BICC1: variants seen among roughly 807,000 people sequenced by gnomAD.
BICC1 encodes BicC family RNA binding protein 1.
Under a neutral mutation model 111.0 loss-of-function variants are expected in BICC1, and 43 were observed. That is an observed-to-expected ratio of 0.39 (90% confidence interval 0.30 to 0.50). BICC1 has a LOEUF of 0.50. Among genes scored for constraint, BICC1 ranks in the 20% least tolerant of loss-of-function variants. The pLI is 0.88. For missense variants in BICC1, 1,091 were observed against 1,203.2 expected (o/e 0.91, Z 1.38); for synonymous variants, 467 against 434.4 (o/e 1.07, Z -0.93).
rs138548749 is a variant in BICC1 at position 58,750,627 on chromosome 10, G to T, written c.308-34374G>T. Among the ~76,000 whole-genome samples, 61 of 152,162 alleles carry T rather than the reference G, an allele frequency of 4.0e-4. No individual in the cohort carries two copies. In the East Asian group the frequency reaches 8.9e-3, roughly 22 times the overall value. On this transcript the variant is annotated intron_variant, in intron 3 of 20. Coordinates refer to ENST00000373886, the MANE Select transcript of BICC1 (RefSeq NM_001080512.3). ...ATCACCACTTCATAGAAGTTGAAAGGTGCATCCTACAGTCAATAAAATATG... is the reference window on the plus strand; with the variant it reads ...ATCACCACTTCATAGAAGTTGAAAGTTGCATCCTACAGTCAATAAAATATG...
intron 1 of BICC1, among the ~76,000 whole-genome samples, chr10:58,530,513 G>A (rs1233653099): frequency 1.3e-5 from 2 of 151,636 alleles, no homozygotes; most frequent in Non-Finnish European, 2.9e-5. Flanking sequence ...AGCTCCTAGG[G>A]AAGTAATAAA....
At chr10:58,714,644 A>G (rs76112134) in intron 3 of BICC1, among the ~76,000 whole-genome samples, 3,026 of 152,130 alleles carry the variant, frequency 0.02, 101 homozygotes, top group African/African-American at 0.07. Context: ...GAACACCACA[A>G]TGGTGCTGTA....
intron 2 of BICC1, among the ~76,000 whole-genome samples, chr10:58,699,881 G>A (rs1366965611): frequency 6.6e-6 from 1 of 151,982 alleles, no homozygotes; most frequent in South Asian, 2.1e-4. Context: ...TTGTAGAGAC[G>A]GAGTCTCACT....
Position 58,580,738 on chromosome 10 carries a change from T to G in BICC1, c.191-40117T>G, listed in dbSNP as rs74148901. ...GTTTTTGGCTCTACCTGCTACCAGC[T>G]TTCCCTTCCCAATATCAAGCAATAT... On this transcript the variant is annotated intron_variant, in intron 1 of 20. Transcript: ENST00000373886. Among the ~76,000 whole-genome samples, 480 of 152,272 alleles carry G rather than the reference T, an allele frequency of 3.2e-3. 2 individuals are homozygous for G. Among genetic ancestry groups the G allele is most frequent in the African/African-American group, 0.01 (435 of 41,554 alleles).
At chr10:58,517,472 A>G (rs1031446414) in intron 1 of BICC1, among the ~76,000 whole-genome samples, 1 of 152,192 alleles carries the variant, frequency 6.6e-6, no homozygotes, top group African/African-American at 2.4e-5. Context: ...AATAATTTAG[A>G]CTTTTTTCAT....
At chr10:58,552,536 C>T (rs1039009033) in intron 1 of BICC1, among the ~76,000 whole-genome samples, 1 of 152,014 alleles carries the variant, frequency 6.6e-6, no homozygotes, top group Non-Finnish European at 1.5e-5. Flanking sequence ...GGGGTTTCAC[C>T]GTGTTAGCCA....
chr10:58,541,442 A>G lies in BICC1; in HGVS notation c.190+28109A>G, dbSNP rs530716983. On this transcript the variant is annotated intron_variant, in intron 1 of 20. Coordinates refer to ENST00000373886, the MANE Select transcript of BICC1 (RefSeq NM_001080512.3). ...ATCTGAAAAGGCAGTTGAGGAAACAATCACATTTACAGTAGCATCAAAAAG... is the reference window on the plus strand; with the variant it reads ...ATCTGAAAAGGCAGTTGAGGAAACAGTCACATTTACAGTAGCATCAAAAAG... Among the ~76,000 whole-genome samples the G allele has an allele frequency of 3.3e-5, 5 of 152,256 alleles. No homozygotes were observed. The East Asian group carries it at 5.8e-4, about 18-fold the overall frequency.
chr10:58,566,203 C>T (rs1051624201), intron 1 of BICC1, among the ~76,000 whole-genome samples: 2 of 150,494 alleles, frequency 1.3e-5, no homozygotes, highest in African/African-American at 4.9e-5. Flanking sequence ...TGTGTATACA[C>T]ATGTACACAC....
intron 3 of BICC1, among the ~76,000 whole-genome samples, chr10:58,764,691 A>T (rs1842411304): frequency 6.6e-6 from 1 of 150,866 alleles, no homozygotes; most frequent in Non-Finnish European, 1.5e-5. Context: ...TCCTAAAACA[A>T]GAAAGGGGAC....
intron 9 of BICC1, 68 bp downstream of exon 9, chr10:58,793,683 A>G (rs867817155): frequency 2.0e-6 from 3 of 1,532,144 alleles, no homozygotes; most frequent in African/African-American, 2.8e-5. Flanking sequence ...TATTTTGCAT[A>G]GAAGTATTTA....
intron 1 of BICC1, among the ~76,000 whole-genome samples, chr10:58,563,516 T>C (rs1843669929): frequency 6.6e-6 from 1 of 152,200 alleles, no homozygotes; most frequent in Admixed American, 6.5e-5. Flanking sequence ...TCTGTGATAC[T>C]ATCCTGAGTT....
chr10:58,564,085 TTTTTG>T (rs1843686513), intron 1 of BICC1, among the ~76,000 whole-genome samples: 1 of 152,230 alleles, frequency 6.6e-6, no homozygotes. Context: ...TTTAAAATAT[TTTTTG>T]TTTTAACTTT....
At chr10:58,797,132 T>C (rs1004994387) in intron 10 of BICC1, among the ~76,000 whole-genome samples, 1 of 152,202 alleles carries the variant, frequency 6.6e-6, no homozygotes, top group African/African-American at 2.4e-5. Context: ...ATAGTCATGG[T>C]GATATTTATG....
chr10:58,798,415 C>A lies in BICC1; in HGVS notation c.1383C>A (p.Thr461=). Residue 461 remains threonine, a synonymous_variant, in exon 11 of 21, where the codon ACC becomes ACA. Coordinates refer to ENST00000373886, the MANE Select transcript of BICC1 (RefSeq NM_001080512.3). ...TTATTACAGGTCTTTTGGGACCCAC[C>A]ACCTTATCTCTGAACACTTCAACAA... ...GLTGLGLLGP[T]TLSLNTSTTP... is the part of the protein sequence containing the mutation. The A allele has an allele frequency of 6.3e-7, 1 of 1,586,422 alleles. No homozygotes were observed. Among genetic ancestry groups the A allele is most frequent in the Non-Finnish European group, 8.6e-7 (1 of 1,168,260 alleles).
At chr10:58,599,143 T>G (rs1260583088) in intron 1 of BICC1, among the ~76,000 whole-genome samples, 1 of 152,170 alleles carries the variant, frequency 6.6e-6, no homozygotes, top group Non-Finnish European at 1.5e-5. Flanking sequence ...AACAATCCCA[T>G]TACTGGGTAT....
chr10:58,744,113 A>G (rs911151825), intron 3 of BICC1, among the ~76,000 whole-genome samples: 3 of 152,192 alleles, frequency 2.0e-5, no homozygotes, highest in Non-Finnish European at 4.4e-5. Context: ...TAAAATTGCA[A>G]TTCTAAGTGA....
In BICC1 at chr10:58,796,503, C is replaced by T; in HGVS notation, c.1343C>T (p.Ala448Val). The T allele has an allele frequency of 6.2e-7, 1 of 1,613,946 alleles. No homozygotes were observed. The highest frequency in any genetic ancestry group is 8.5e-7 in the Non-Finnish European group (1 of 1,179,910). The change falls in exon 10 of 21, where the codon GCA becomes GTA. Residue 448 changes from alanine to valine, a missense_variant. Physicochemically the swap from Ala to Val is moderately conservative, Grantham distance 64 (BLOSUM62 0). Coordinates refer to ENST00000373886, the MANE Select transcript of BICC1 (RefSeq NM_001080512.3). Reference protein sequence around the residue: ...ACPSLDILASAGLGLTGLGLL... With the variant: ...ACPSLDILASVGLGLTGLGLL... ...CCCAGCCTGGATATCTTAGCTTCAGCAGGCCTTGGACTCACTGGACTAGGT... is the reference window on the plus strand; with the variant it reads ...CCCAGCCTGGATATCTTAGCTTCAGTAGGCCTTGGACTCACTGGACTAGGT...
intron 2 of BICC1, among the ~76,000 whole-genome samples, chr10:58,660,745 C>T (rs1838817328): frequency 6.6e-6 from 1 of 152,110 alleles, no homozygotes; most frequent in South Asian, 2.1e-4. Flanking sequence ...CTCTGCCTGG[C>T]AACTCCACCC....
chr10:58,686,075 C>G (rs533609516), intron 2 of BICC1, among the ~76,000 whole-genome samples: 4 of 152,288 alleles, frequency 2.6e-5, no homozygotes, highest in African/African-American at 9.6e-5. Context: ...GACAAAATCT[C>G]TCAGCATTTG....
Sources: allele counts gnomAD v4.1 joint callset (sites outside exome capture counted in the v4.1 genomes callset), GRCh38; gene constraint gnomAD v4.1.1; transcripts MANE v1.5; gene names NCBI Gene and HGNC (gene_info 2026-07-23, HGNC 2026-07-21).